Variants in ZSWIM8 observed in about 807,000 individuals in gnomAD.
The protein encoded by ZSWIM8 is zinc finger SWIM domain-containing protein 8.
In ZSWIM8, 27 loss-of-function variants were observed where a neutral mutation model predicts 173.7. That is an observed-to-expected ratio of 0.16 (90% confidence interval 0.11 to 0.21). The LOEUF (loss-of-function observed/expected upper bound fraction) is 0.21. ZSWIM8 is among the 10% of genes least tolerant of loss of function. The pLI is 1.00. For synonymous variants in ZSWIM8, 958 were observed against 962.0 expected (o/e 1.00, Z 0.08); for missense variants, 1,627 against 2,428.8 (o/e 0.67, Z 6.94).
In ZSWIM8 at chr10:73,792,645, C is replaced by G. The variant is rs1238512883; in HGVS notation, c.2106C>G (p.Leu702=). The part of the protein sequence containing the change: ...LPGDVCTQDD[L]PSTDESGNGL... ...GGGATGTCTGTACCCAGGACGACCT[C>G]CCTTCTACAGATGAGAGTGGCAATG... The change falls in exon 10 of 26, where the codon CTC becomes CTG. Residue 702 remains leucine (L), a synonymous_variant. Transcript: ENST00000604729. The surrounding 1 kb of genome is among the most constrained non-coding windows in gnomAD (Gnocchi z 4.3). 4 of 1,613,918 alleles carry G rather than the reference C, an allele frequency of 2.5e-6. No homozygotes were observed. The highest frequency in any genetic ancestry group is 3.4e-6 in the Non-Finnish European group (4 of 1,179,904).
Position 73,796,873 on chromosome 10 carries a change from T to G in ZSWIM8, c.3133T>G (p.Ser1045Ala), listed in dbSNP as rs1236682346. 1 of 1,613,638 alleles carries G rather than the reference T, an allele frequency of 6.2e-7. No individual in the cohort carries two copies. The highest frequency in any genetic ancestry group is 1.3e-5 in the African/African-American group (1 of 74,824). ...SSRPTTASQR[S>A]PSKHGGPSAP... ...CCGCCCAACCACAGCCAGCCAGAGGTCTCCTTCAAAGCACGGGGGCCCATC... is the reference window on the plus strand; with the variant it reads ...CCGCCCAACCACAGCCAGCCAGAGGGCTCCTTCAAAGCACGGGGGCCCATC... Residue 1045 changes from serine (S) to alanine (A), a missense_variant, in exon 16 of 26, where the codon TCT becomes GCT. Coordinates refer to ENST00000604729, the MANE Select transcript of ZSWIM8 (RefSeq NM_001367799.1).
Position 73,797,638 on chromosome 10 carries a change from C to T in ZSWIM8, c.3662+33C>T, listed in dbSNP as rs765293991. 2.5e-6 allele frequency: 4 copies of T among 1,607,978 alleles called. No homozygotes were observed. Among genetic ancestry groups the T allele is most frequent in the Admixed American group, 1.7e-5 (1 of 59,712 alleles). On this transcript the variant is annotated intron_variant, in intron 18 of 25. Coordinates refer to ENST00000604729, the MANE Select transcript of ZSWIM8 (RefSeq NM_001367799.1). This position sits in a 1 kb window ranked among gnomAD's most constrained non-coding sequence, Gnocchi z 5.6. ...GGAAGAACTCCCCATCTTCCCTGAT[C>T]TGGCCCACCCTCAGAGCCACACCCC... is the stretch of plus-strand genomic sequence containing the variant.
chr10:73,786,522 A>G (rs529749854), intron 1 of ZSWIM8: 183 of 162,134 alleles, frequency 1.1e-3, no homozygotes, highest in African/African-American at 4.1e-3. Flanking sequence ...GAATGTGGGT[A>G]GGGGGCTGAT....
At position 73,791,597 on chromosome 10, in the gene ZSWIM8, T is replaced by G; in HGVS notation, c.1319+98T>G. 1.5e-6 allele frequency: 2 copies of G among 1,363,662 alleles called. No homozygotes were observed. The highest frequency in any genetic ancestry group is 1.5e-5 in the South Asian group (1 of 64,604). 84.5% of individuals were successfully genotyped at this position (1,363,662 alleles called of 1,614,324 possible). A position where few individuals can be genotyped will look rare whatever the true frequency, so the allele number is the denominator to read the frequency against. Reference sequence around the variant, plus strand: ...TGTTTGCAGAGACATACCATGATTTTAGTCCTCGGGAAACGGGAGGTGCTG... The same window carrying G: ...TGTTTGCAGAGACATACCATGATTTGAGTCCTCGGGAAACGGGAGGTGCTG... On this transcript the variant is annotated intron_variant, in intron 9 of 25. Transcript: ENST00000604729. This position sits in a 1 kb window ranked among gnomAD's most constrained non-coding sequence, Gnocchi z 6.0.
Position 73,800,741 on chromosome 10 carries a change from G to A in ZSWIM8, c.5104G>A (p.Gly1702Arg), listed in dbSNP as rs1397395942. Residue 1702 changes from glycine to arginine, a missense_variant, in exon 24 of 26, where the codon GGG becomes AGG. Gly to Arg is a moderately radical substitution (Grantham distance 125). Coordinates refer to ENST00000604729, the MANE Select transcript of ZSWIM8 (RefSeq NM_001367799.1). This position sits in a 1 kb window ranked among gnomAD's most constrained non-coding sequence, Gnocchi z 4.1. ...CACTGATGATGTCAAATGGTTGCTG[G>A]GGCTGGCAGCAAAGCTGGGTAACAC... ...PYTDDVKWLL[G>R]LAAKLGVNYV... The A allele has an allele frequency of 6.2e-7, 1 of 1,613,494 alleles. No homozygotes were observed. The highest frequency in any genetic ancestry group is 1.3e-5 in the African/African-American group (1 of 74,924).
intron 1 of ZSWIM8, among the ~76,000 whole-genome samples, chr10:73,788,092 C>T (rs531489841): frequency 6.6e-6 from 1 of 152,138 alleles, no homozygotes; most frequent in East Asian, 1.9e-4. Context: ...TAACTCTCTC[C>T]CCTTGAGGGT....
At position 73,788,686 on chromosome 10, in the gene ZSWIM8, A is replaced by G. The variant is rs1211559215; in HGVS notation, c.225A>G (p.Pro75=). 3.1e-6 allele frequency: 5 copies of G among 1,613,924 alleles called. 1 individual carries two copies. The highest frequency in any genetic ancestry group is 2.2e-5 in the South Asian group (2 of 91,082). Reference sequence around the variant, plus strand: ...TTTGCAAAGATGGACTGGTGATCCCATTGGTGGAGCTGTCAGCAAAGCAGG... The same window carrying G: ...TTTGCAAAGATGGACTGGTGATCCCGTTGGTGGAGCTGTCAGCAAAGCAGG... ...GTRMRDGLVI[P]LVELSAKQVA... Residue 75 remains proline, a synonymous_variant, in exon 2 of 26, where the codon CCA becomes CCG. Transcript: ENST00000604729.
At position 73,801,193 on chromosome 10, in the gene ZSWIM8, C is replaced by T; in HGVS notation, c.5299C>T (p.Gln1767Ter). Reference sequence around the variant, plus strand: ...GCAGCGCTGCCAGCAGGCATACATGCAGGTGACAACCTAGAATTATGGAGC... The same window carrying T: ...GCAGCGCTGCCAGCAGGCATACATGTAGGTGACAACCTAGAATTATGGAGC... Reference protein sequence around the residue: ...LVQRCQQAYMQYIHHRLIHLT... With the variant: ...LVQRCQQAYM The change falls in exon 25 of 26, where the codon CAG becomes TAG. Residue 1767 changes from glutamine (Q) to a stop codon, truncating the protein, a stop_gained and splice_region_variant. Transcript: ENST00000604729. LOFTEE classifies it high-confidence loss of function. This position sits in a 1 kb window ranked among gnomAD's most constrained non-coding sequence, Gnocchi z 4.9. 6.2e-7 allele frequency: 1 copy of T among 1,600,998 alleles called. No individual in the cohort carries two copies. The highest frequency in any genetic ancestry group is 8.5e-7 in the Non-Finnish European group (1 of 1,173,638).
chr10:73,799,732 A>G (rs2083837671), intron 21 of ZSWIM8: 10 of 651,740 alleles, frequency 1.5e-5, no homozygotes, highest in Non-Finnish European at 2.1e-5. Flanking sequence ...GGAGTTCGAG[A>G]CCAGCCTGGC....
In ZSWIM8 at chr10:73,789,765, C is replaced by A; in HGVS notation, c.679C>A (p.Leu227Ile). ...CCCAGTCTCAGAGTCCCTGTCCCGG[C>A]TACAGAGGGACCAGCTGCAAAAGTT... ...RAPVSESLSR[L>I]QRDQLQKFAQ... Residue 227 changes from leucine (L) to isoleucine (I), a missense_variant, in exon 5 of 26, where the codon CTA becomes ATA. Physicochemically the swap from Leu to Ile is conservative, Grantham distance 5 (BLOSUM62 2). This residue lies in a region of ZSWIM8 where 39 missense variants were observed against 154.0 expected (regional missense o/e 0.25). Coordinates refer to ENST00000604729, the MANE Select transcript of ZSWIM8 (RefSeq NM_001367799.1). This position sits in a 1 kb window ranked among gnomAD's most constrained non-coding sequence, Gnocchi z 6.8. The A allele has an allele frequency of 6.2e-7, 1 of 1,610,374 alleles. No individual in the cohort carries two copies. Among genetic ancestry groups the A allele is most frequent in the Non-Finnish European group, 8.5e-7 (1 of 1,178,410 alleles).
chr10:73,801,039 C>G lies in ZSWIM8; in HGVS notation c.5145C>G (p.Phe1715Leu). The change falls in exon 25 of 26, where the codon TTC becomes TTG. Residue 1715 changes from phenylalanine (F) to leucine (L), a missense_variant. Physicochemically the swap from Phe to Leu is conservative, Grantham distance 22. This residue lies in a region of ZSWIM8 where 122 missense variants were observed against 196.1 expected (regional missense o/e 0.62). Transcript: ENST00000604729. The surrounding 1 kb of genome is among the most constrained non-coding windows in gnomAD (Gnocchi z 4.9). ...CAGGAGTGAACTACGTGCACCAGTT[C>G]TGTGTGGGGGCAGCCAAGGGGGTGC... ...AKLGVNYVHQFCVGAAKGVLS... is the reference protein window; with the variant it reads ...AKLGVNYVHQLCVGAAKGVLS... 1 of 1,553,840 alleles carries G rather than the reference C, an allele frequency of 6.4e-7. No homozygotes were observed. The highest frequency in any genetic ancestry group is 8.7e-7 in the Non-Finnish European group (1 of 1,148,580).
rs1219419862 is a variant in ZSWIM8 at position 73,785,649 on chromosome 10, T to TA, written c.-228dup. 1 of 607,436 alleles carries TA rather than the reference T, an allele frequency of 1.6e-6. No homozygotes were observed. The highest frequency in any genetic ancestry group is 4.1e-5 in the East Asian group (1 of 24,642). The allele number at this position is 607,436 out of a possible 1,614,324, so 37.6% of individuals were successfully genotyped here. ...GCCGCCGAGCGCTTCGTCCCGGCCC[T>TA]AAGTCTCGGAGACTGGCCAAGATCA... On this transcript the variant is annotated 5_prime_UTR_variant, in exon 1 of 26. Transcript: ENST00000604729.
chr10:73,785,878 C>T lies in ZSWIM8; in HGVS notation c.-1C>T, dbSNP rs959597914. On this transcript the variant is annotated 5_prime_UTR_variant, in exon 1 of 26. Transcript: ENST00000604729. ...ACCCGGCCCCGGGGGGTGCGGGCCC[C>T]ATGGAGCTGATGTTTGCAGAGTGGG... is the stretch of plus-strand genomic sequence containing the variant. 71 of 1,520,366 alleles carry T rather than the reference C, an allele frequency of 4.7e-5. No individual in the cohort carries two copies. The highest frequency in any genetic ancestry group is 6.3e-5 in the Non-Finnish European group (71 of 1,132,806). 94.2% of individuals were successfully genotyped at this position (1,520,366 alleles called of 1,614,324 possible).
chr10:73,799,513 G>A (rs1262824446), intron 21 of ZSWIM8, 23 bp downstream of exon 21: 1 of 1,589,578 alleles, frequency 6.3e-7, no homozygotes, highest in African/African-American at 1.3e-5. Flanking sequence ...TTCTGCTGGG[G>A]GGTAAGGCAT....
chr10:73,794,494 C>A, intron 13 of ZSWIM8, 47 bp from the exon 14 acceptor site: 1 of 1,566,660 alleles, frequency 6.4e-7, no homozygotes, highest in Non-Finnish European at 8.7e-7. Context: ...TATTTTTTCC[C>A]ATGCATGATA....
In ZSWIM8 at chr10:73,799,178, C is replaced by A; in HGVS notation, c.4353C>A (p.Ile1451=). 1 of 1,611,556 alleles carries A rather than the reference C, an allele frequency of 6.2e-7. No individual in the cohort carries two copies. The highest frequency in any genetic ancestry group is 2.2e-5 in the East Asian group (1 of 44,816). The part of the protein sequence containing the change: ...EGATSCSASG[I]RAGGEAGRGM... ...CTACAAGCTGTAGTGCCAGTGGGAT[C>A]AGGGCAGGTGGGGAAGCTGGGCGGG... is the stretch of plus-strand genomic sequence containing the variant. The change falls in exon 21 of 26, where the codon ATC becomes ATA. Residue 1451 remains isoleucine (I), a synonymous_variant. Coordinates refer to ENST00000604729, the MANE Select transcript of ZSWIM8 (RefSeq NM_001367799.1).
At position 73,791,973 on chromosome 10, in the gene ZSWIM8, G is replaced by A. The variant is rs544312492; in HGVS notation, c.1434G>A (p.Ala478=). ...GGCTCTTCCCCGGCTTCCGGCCAGC[G>A]GTGGAGGCCTGCTACTTCAACTGGG... ...LERLFPGFRP[A]VEACYFNWEE... Residue 478 remains alanine, a synonymous_variant, in exon 10 of 26, where the codon GCG becomes GCA. Transcript: ENST00000604729. The surrounding 1 kb of genome is among the most constrained non-coding windows in gnomAD (Gnocchi z 6.0). 15 of 1,551,022 alleles carry A rather than the reference G, an allele frequency of 9.7e-6. No homozygotes were observed. The highest frequency in any genetic ancestry group is 8.2e-5 in the African/African-American group (6 of 73,060).
At chr10:73,790,585 A>G (rs181885548) in intron 7 of ZSWIM8, among the ~76,000 whole-genome samples, 3 of 152,204 alleles carry the variant, frequency 2.0e-5, no homozygotes, top group Admixed American at 1.3e-4. Flanking sequence ...GCGGTGGCTC[A>G]TACCTATAAT....
Position 73,792,985 on chromosome 10 carries a change from C to A in ZSWIM8, c.2313+133C>A, listed in dbSNP as rs936723270. ...CTGTTGCAGGCGCCGAACTGGTCTC[C>A]CTGCTTTCAGTCTACTCACTTTTCT... On this transcript the variant is annotated intron_variant, in intron 10 of 25. Transcript: ENST00000604729. This position sits in a 1 kb window ranked among gnomAD's most constrained non-coding sequence, Gnocchi z 4.3. 1.6e-5 allele frequency: 18 copies of A among 1,107,466 alleles called. No individual in the cohort carries two copies. Among genetic ancestry groups the A allele is most frequent in the Non-Finnish European group, 1.3e-6 (1 of 793,160 alleles). The allele number at this position is 1,107,466 out of a possible 1,614,324, so 68.6% of individuals were successfully genotyped here.
Sources: allele counts gnomAD v4.1 joint callset (sites outside exome capture counted in the v4.1 genomes callset), GRCh38; gene constraint gnomAD v4.1.1; regional missense constraint gnomAD v4.1.1; non-coding constraint Gnocchi (gnomAD v3.1); transcripts MANE v1.5; gene names NCBI Gene and HGNC (gene_info 2026-07-23, HGNC 2026-07-21).